Variants in MTUS2 observed in about 807,000 individuals in gnomAD.
MTUS2 encodes the protein microtubule-associated tumor suppressor candidate 2.
Under a neutral mutation model 114.1 loss-of-function variants are expected in MTUS2, and 40 were observed. That is an observed-to-expected ratio of 0.35 (90% CI 0.27 to 0.46). MTUS2 has a LOEUF of 0.46. Among genes scored for constraint, MTUS2 ranks in the 20% least tolerant of loss-of-function variants. The probability of loss-of-function intolerance (pLI) is 1.00; values close to 1 mark genes in which losing one functional copy is unlikely to be tolerated. For synonymous variants in MTUS2, 688 were observed against 672.0 expected, an observed-to-expected ratio of 1.02 and a Z score of -0.37; for missense variants, 1,679 against 1,705.4, an observed-to-expected ratio of 0.98 and a Z score of 0.27.
rs1053689333 is a variant in MTUS2, at chr13:29,386,549, G to C, written c.3117+27076G>C. The stretch of plus-strand genomic sequence containing the variant: ...TTCTTGCTCCAGCTGGACTGGGCAG[G>C]TGGAAGACATGCCTCAAGGAGGAGG... On this transcript the variant is annotated intron_variant, in intron 8 of 15. Coordinates refer to ENST00000612955, the MANE Select transcript of MTUS2 (RefSeq NM_001033602.4). Among the ~76,000 whole-genome samples the C allele has an allele frequency of 3.3e-5, 5 of 152,360 alleles. No homozygotes were observed. In the South Asian group the frequency reaches 6.2e-4, roughly 19 times the overall value.
chr13:29,233,249 TG>T (rs1896405665), intron 5 of MTUS2, among the ~76,000 whole-genome samples: 1 of 150,038 alleles, frequency 6.7e-6, no homozygotes, highest in South Asian at 2.1e-4. Context: ...AAAAAAAGTT[TG>T]GGGTAATGTA....
At chr13:29,043,625 T>A (rs1396963606) in intron 4 of MTUS2, among the ~76,000 whole-genome samples, 1 of 151,664 alleles carries the variant, frequency 6.6e-6, no homozygotes, top group African/African-American at 2.4e-5. Flanking sequence ...AGCTCCAGTG[T>A]TAGAGATATA....
At chr13:29,346,437 G>T (rs931059273) in intron 7 of MTUS2, among the ~76,000 whole-genome samples, 2 of 152,082 alleles carry the variant, frequency 1.3e-5, no homozygotes, top group African/African-American at 2.4e-5. Context: ...TTCCCAGGGG[G>T]ATTATGGCTG....
At chr13:29,167,964 G>A (rs868807254) in intron 5 of MTUS2, among the ~76,000 whole-genome samples, 21 of 152,250 alleles carry the variant, frequency 1.4e-4, no homozygotes, top group East Asian at 1.9e-4. Context: ...ATGTTTTTAC[G>A]TCCTTTTAAC....
intron 2 of MTUS2, among the ~76,000 whole-genome samples, chr13:28,983,424 G>A (rs2138303927): frequency 6.6e-6 from 1 of 152,290 alleles, no homozygotes; most frequent in Non-Finnish European, 1.5e-5. Context: ...AATGTAAGAT[G>A]CACACTGGAT....
chr13:28,952,030 C>G (rs1593327493), intron 2 of MTUS2, among the ~76,000 whole-genome samples: 1 of 152,002 alleles, frequency 6.6e-6, no homozygotes, highest in South Asian at 2.1e-4. Flanking sequence ...GCACCAGTGG[C>G]AAATGCCTGG....
intron 2 of MTUS2, 132 bp from the exon 3 acceptor site, chr13:29,024,325 G>T: frequency 4.5e-6 from 1 of 220,508 alleles, no homozygotes; most frequent in Non-Finnish European, 9.0e-6. Context: ...GATCAGAAAG[G>T]TTTTTTGAGA....
chr13:29,265,479 A>G (rs549120380), intron 5 of MTUS2, among the ~76,000 whole-genome samples: 2 of 152,336 alleles, frequency 1.3e-5, no homozygotes, highest in East Asian at 1.9e-4. Flanking sequence ...CAGTATCTGT[A>G]TAGCAATGCC....
intron 6 of MTUS2, among the ~76,000 whole-genome samples, chr13:29,285,749 C>T (rs1898454280): frequency 6.6e-6 from 1 of 152,132 alleles, no homozygotes; most frequent in South Asian, 2.1e-4. Flanking sequence ...ATGAAGAGGG[C>T]ATGGGAACCT....
At chr13:28,838,444 A>G (rs1481277177) in intron 1 of MTUS2, among the ~76,000 whole-genome samples, 3 of 152,166 alleles carry the variant, frequency 2.0e-5, no homozygotes, top group Non-Finnish European at 4.4e-5. Context: ...TACTACATTT[A>G]TTACAAGACA....
At chr13:28,954,751 G>A (rs1389965771) in intron 2 of MTUS2, among the ~76,000 whole-genome samples, 2 of 152,054 alleles carry the variant, frequency 1.3e-5, no homozygotes, top group Non-Finnish European at 1.5e-5. Context: ...GAGGAGAGAG[G>A]GGAATGATCA....
intron 4 of MTUS2, among the ~76,000 whole-genome samples, chr13:29,050,535 A>G (rs1260068988): frequency 6.6e-6 from 1 of 152,078 alleles, no homozygotes; most frequent in African/African-American, 2.4e-5. Context: ...AATATGCCCC[A>G]GGGGTGCTCT....
chr13:29,127,322 A>G (rs1210786968), intron 5 of MTUS2, among the ~76,000 whole-genome samples: 1 of 152,066 alleles, frequency 6.6e-6, no homozygotes, highest in Non-Finnish European at 1.5e-5. Context: ...TTCACTGGAC[A>G]CTCATTTAGG....
At chr13:29,270,219 A>G (rs1406586320) in intron 5 of MTUS2, among the ~76,000 whole-genome samples, 1 of 152,154 alleles carries the variant, frequency 6.6e-6, no homozygotes, top group Non-Finnish European at 1.5e-5. Context: ...TTTTACCACC[A>G]TTTTAAAAAT....
chr13:29,119,242 T>G (rs143648042), intron 5 of MTUS2, among the ~76,000 whole-genome samples: 113 of 152,296 alleles, frequency 7.4e-4, no homozygotes, highest in African/African-American at 2.6e-3. Context: ...TTGGACCTGA[T>G]TAACTGAGGA....
intron 9 of MTUS2, among the ~76,000 whole-genome samples, chr13:29,443,109 A>C (rs967053928): frequency 6.6e-6 from 1 of 152,242 alleles, no homozygotes. Flanking sequence ...GCGAGCTGGT[A>C]GACCTCTCTG....
chr13:29,399,020 A>G (rs1874124396), intron 8 of MTUS2, among the ~76,000 whole-genome samples: 1 of 152,190 alleles, frequency 6.6e-6, no homozygotes, highest in African/African-American at 2.4e-5. Context: ...AAGTTTATTA[A>G]TAAAGTAGAG....
intron 2 of MTUS2, among the ~76,000 whole-genome samples, chr13:28,949,358 C>T (rs1207005265): frequency 2.6e-5 from 4 of 152,188 alleles, no homozygotes; most frequent in Admixed American, 2.6e-4. Context: ...TTACTTGTTT[C>T]CAGCTTCTCT....
At chr13:28,956,056 C>T (rs961534310) in intron 2 of MTUS2, among the ~76,000 whole-genome samples, 8 of 130,414 alleles carry the variant, frequency 6.1e-5, no homozygotes, top group South Asian at 2.6e-4. Context: ...TGTCTCTTGC[C>T]CCCCCCCATC....
Sources: gnomAD v4.1 joint callset for allele counts (sites outside exome capture counted in the v4.1 genomes callset) on GRCh38, gnomAD v4.1.1 for gene constraint, MANE v1.5 for transcripts, NCBI Gene and HGNC (gene_info 2026-07-23, HGNC 2026-07-21) for gene names.